SIK2: variants seen among roughly 807,000 people sequenced by gnomAD.
SIK2 encodes the protein serine/threonine-protein kinase SIK2.
SIK2 carries 29 observed loss-of-function variants against 103.2 expected under a neutral mutation model. The observed-to-expected ratio is 0.28, with a 90% CI of 0.21 to 0.38. The LOEUF (loss-of-function observed/expected upper bound fraction) is 0.38. Among genes scored for constraint, SIK2 ranks in the 10% least tolerant of loss-of-function variants. The pLI, the probability that SIK2 is intolerant of heterozygous loss-of-function variation, is 1.00. For missense variants in SIK2, 879 were observed against 1,171.0 expected, an observed-to-expected ratio of 0.75 and a Z score of 3.64; for synonymous variants, 412 against 446.1, an observed-to-expected ratio of 0.92 and a Z score of 0.96.
rs1591651175 is a variant in SIK2 at position 111,723,588 on chromosome 11, C to A, written c.2240C>A (p.Pro747Gln). The change falls in exon 15 of 15, where the codon CCA becomes CAA. Residue 747 changes from proline (P) to glutamine (Q), a missense_variant. Coordinates refer to ENST00000304987, the MANE Select transcript of SIK2 (RefSeq NM_015191.3). Reference protein sequence around the residue: ...MQIAESSYPQPSQQLPLPRQE... With the variant: ...MQIAESSYPQQSQQLPLPRQE... ...ATAGCAGAGAGCTCCTACCCACAGC[C>A]AAGTCAGCAGCTGCCCCTTCCCCGC... 3.2e-5 allele frequency: 51 copies of A among 1,614,098 alleles called. No individual in the cohort carries two copies. In the East Asian group the frequency reaches 1.1e-3, roughly 36 times the overall value.
intron 3 of SIK2, among the ~76,000 whole-genome samples, chr11:111,679,400 G>A (rs898733763): frequency 2.0e-5 from 3 of 152,100 alleles, no homozygotes; most frequent in Non-Finnish European, 4.4e-5. Context: ...CCTAATGTAG[G>A]GAAATTGCTG....
At chr11:111,631,330 A>T (rs765653194) in intron 3 of SIK2, among the ~76,000 whole-genome samples, 3 of 152,196 alleles carry the variant, frequency 2.0e-5, no homozygotes, top group Non-Finnish European at 4.4e-5. Flanking sequence ...TATGATTGTC[A>T]GGGGATGAAT....
intron 3 of SIK2, chr11:111,672,038 TCTG>T: frequency 3.9e-6 from 2 of 516,898 alleles, no homozygotes; most frequent in Non-Finnish European, 7.6e-6. Flanking sequence ...AGTGCCTTGT[TCTG>T]CTGCTCCAGG....
intron 3 of SIK2, among the ~76,000 whole-genome samples, chr11:111,677,260 A>G (rs1031802061): frequency 1.3e-5 from 2 of 152,210 alleles, no homozygotes; most frequent in African/African-American, 2.4e-5. Flanking sequence ...AAATGTTACT[A>G]CATATATTGA....
intron 1 of SIK2, among the ~76,000 whole-genome samples, chr11:111,614,057 G>GA (rs1479075489): frequency 1.3e-5 from 2 of 148,838 alleles, no homozygotes; most frequent in Non-Finnish European, 3.0e-5. Context: ...GGGGTCAGTT[G>GA]AAAGTATAAC....
At chr11:111,721,187 C>T in intron 12 of SIK2, 125 bp downstream of exon 12, 2 of 1,194,462 alleles carry the variant, frequency 1.7e-6, no homozygotes, top group Non-Finnish European at 2.3e-6. Flanking sequence ...TTTGGGAAAA[C>T]CCACAGCTTC....
At chr11:111,625,543 A>G (rs1941949823) in intron 3 of SIK2, among the ~76,000 whole-genome samples, 1 of 152,248 alleles carries the variant, frequency 6.6e-6, no homozygotes, top group Non-Finnish European at 1.5e-5. Flanking sequence ...AAGAAAACCA[A>G]GAGAATGTGG....
At position 111,602,787 on chromosome 11, in the gene SIK2, G is replaced by A; in HGVS notation, c.135+89G>A. On this transcript the variant is annotated intron_variant, in intron 1 of 14. Transcript: ENST00000304987. This position sits in a 1 kb window ranked among gnomAD's most constrained non-coding sequence, Gnocchi z 4.5. ...GAGGGGCGGCCGCAGTGGTGGGACC[G>A]GGGAGACCCGAGAGGCCGCCTCACT... is the stretch of plus-strand genomic sequence containing the variant. 3 of 1,394,118 alleles carry A rather than the reference G, an allele frequency of 2.2e-6. No individual in the cohort carries two copies. The highest frequency in any genetic ancestry group is 1.5e-5 in the South Asian group (1 of 65,046). The allele number at this position is 1,394,118 out of a possible 1,614,324, so 86.4% of individuals were successfully genotyped here. A position where few individuals can be genotyped will look rare whatever the true frequency, so the allele number is the denominator to read the frequency against.
chr11:111,681,269 T>C (rs1178651656), intron 3 of SIK2, among the ~76,000 whole-genome samples: 6 of 152,222 alleles, frequency 3.9e-5, no homozygotes, highest in African/African-American at 1.2e-4. Context: ...TGTATCTATG[T>C]ATCATTTTTA....
At position 111,703,367 on chromosome 11, in the gene SIK2, G is replaced by A. The variant is rs755968153; in HGVS notation, c.892G>A (p.Glu298Lys). The A allele has an allele frequency of 6.2e-7, 1 of 1,614,102 alleles. No individual in the cohort carries two copies. The highest frequency in any genetic ancestry group is 8.5e-7 in the Non-Finnish European group (1 of 1,179,984). The change falls in exon 7 of 15, where the codon GAG becomes AAG. Residue 298 changes from glutamate to lysine, a missense_variant. Transcript: ENST00000304987. ...TGAGCCATCCATCGGGGAGTTTAAT[G>A]AGCAGGTTCTGCGACTGATGCACAG... ...ENEPSIGEFNEQVLRLMHSLG... is the reference protein window; with the variant it reads ...ENEPSIGEFNKQVLRLMHSLG...
chr11:111,633,944 T>C (rs1942071880), intron 3 of SIK2, among the ~76,000 whole-genome samples: 1 of 152,208 alleles, frequency 6.6e-6, no homozygotes, highest in Non-Finnish European at 1.5e-5. Context: ...ATGAAAGTTA[T>C]TCACTATTCC....
At position 111,721,876 on chromosome 11, in the gene SIK2, G is replaced by A. The variant is rs1223922154; in HGVS notation, c.1991G>A (p.Ser664Asn). 1 of 1,613,082 alleles carries A rather than the reference G, an allele frequency of 6.2e-7. No individual in the cohort carries two copies. Among genetic ancestry groups the A allele is most frequent in the Admixed American group, 1.7e-5 (1 of 59,838 alleles). Residue 664 changes from serine to asparagine, a missense_variant, in exon 13 of 15, where the codon AGC (serine) becomes AAC (asparagine). Around this residue, in one of 7 missense-constraint regions of SIK2, gnomAD observed 375 missense variants for 416.3 expected, o/e 0.90. Coordinates refer to ENST00000304987, the MANE Select transcript of SIK2 (RefSeq NM_015191.3). ...QQESVSTLPA[S>N]VHPQLSPRQS... ...GAAAGCGTCTCCACTCTCCCTGCCA[G>A]CGTGCATCCCCAGCTGTCCCCACGG...
chr11:111,628,178 G>C (rs1229652633), intron 3 of SIK2, among the ~76,000 whole-genome samples: 1 of 152,116 alleles, frequency 6.6e-6, no homozygotes, highest in Non-Finnish European at 1.5e-5. Context: ...CCGTAGGTAT[G>C]GACAACCAAA....
At chr11:111,706,688 G>A (rs958873120) in intron 8 of SIK2, among the ~76,000 whole-genome samples, 5 of 152,094 alleles carry the variant, frequency 3.3e-5, no homozygotes, top group Non-Finnish European at 7.4e-5. Context: ...TTGGCTGGGC[G>A]TGGTGGCTCA....
chr11:111,602,677 G>A lies in SIK2; in HGVS notation c.114G>A (p.Arg38=). 3 of 1,524,904 alleles carry A rather than the reference G, an allele frequency of 2.0e-6. No homozygotes were observed. In the East Asian group the frequency reaches 8.1e-5, roughly 41 times the overall value. 94.5% of individuals were successfully genotyped at this position (1,524,904 alleles called of 1,614,324 possible). The change falls in exon 1 of 15, where the codon CGG becomes CGA. Residue 38 remains arginine, a synonymous_variant. Transcript: ENST00000304987. This position sits in a 1 kb window ranked among gnomAD's most constrained non-coding sequence, Gnocchi z 4.5. ...KGNFAVVKLG[R]HRITKTEVAI... is the part of the protein sequence containing the mutation. Reference sequence around the variant, plus strand: ...ACTTCGCTGTGGTGAAGCTGGGGCGGCACCGGATCACCAAGACGGAGGTGC... The same window carrying A: ...ACTTCGCTGTGGTGAAGCTGGGGCGACACCGGATCACCAAGACGGAGGTGC...
intron 8 of SIK2, among the ~76,000 whole-genome samples, chr11:111,707,237 TA>T (rs1161877512): frequency 1.3e-5 from 2 of 152,218 alleles, no homozygotes; most frequent in Non-Finnish European, 2.9e-5. Flanking sequence ...TTATTCTTCT[TA>T]AACATTACGC....
At position 111,724,032 on chromosome 11, in the gene SIK2, A is replaced by G. The variant is rs1230708112; in HGVS notation, c.2684A>G (p.Tyr895Cys). ...SPGLQEAPSS[Y>C]DPLALSELPG... ...GGACTGCAAGAGGCCCCCTCCAGCT[A>G]CGACCCACTAGCCCTCTCTGAGCTA... Residue 895 changes from tyrosine to cysteine, a missense_variant, in exon 15 of 15, where the codon TAC becomes TGC. Transcript: ENST00000304987. The G allele has an allele frequency of 1.2e-6, 2 of 1,614,190 alleles. No homozygotes were observed. The highest frequency in any genetic ancestry group is 1.7e-6 in the Non-Finnish European group (2 of 1,180,034).
intron 1 of SIK2, among the ~76,000 whole-genome samples, chr11:111,603,740 C>G (rs1263823048): frequency 6.6e-6 from 1 of 152,194 alleles, no homozygotes; most frequent in Non-Finnish European, 1.5e-5. Context: ...GTACTCTACT[C>G]TGCCTTATTG....
chr11:111,675,394 T>A (rs1565347722), intron 3 of SIK2, among the ~76,000 whole-genome samples: 1 of 152,226 alleles, frequency 6.6e-6, no homozygotes, highest in Non-Finnish European at 1.5e-5. Context: ...AGTAATGTAC[T>A]ACAGCAGTAT....
Sources: gnomAD v4.1 joint callset for allele counts (sites outside exome capture counted in the v4.1 genomes callset) on GRCh38, gnomAD v4.1.1 for gene constraint, gnomAD v4.1.1 regional missense constraint, Gnocchi (gnomAD v3.1) non-coding constraint, MANE v1.5 for transcripts, NCBI Gene and HGNC (gene_info 2026-07-23, HGNC 2026-07-21) for gene names.